Variants in OSBPL6 observed in about 807,000 individuals in gnomAD.
OSBPL6 encodes the protein oxysterol-binding protein-related protein 6.
In OSBPL6, 49 loss-of-function variants were observed where a neutral mutation model predicts 125.8. That is an observed-to-expected ratio of 0.39 (90% confidence interval 0.31 to 0.49). The LOEUF (loss-of-function observed/expected upper bound fraction) is 0.49. Ranked by LOEUF, OSBPL6 falls within the 20% of genes least tolerant of loss-of-function variation. The pLI, the probability that OSBPL6 is intolerant of heterozygous loss-of-function variation, is 0.88. For missense variants in OSBPL6, 986 were observed against 1,135.4 expected (o/e 0.87, Z 1.89); for synonymous variants, 394 against 391.8 (o/e 1.01, Z -0.07).
At chr2:178,336,580 A>G in intron 9 of OSBPL6, 147 bp downstream of exon 9, 3 of 890,774 alleles carry the variant, frequency 3.4e-6, no homozygotes, top group Non-Finnish European at 5.0e-6. Flanking sequence ...CCTTGTTCTT[A>G]TTTTTATGCA....
chr2:178,209,439 C>CTTTTTTTTTTTTTTTT (rs71850875), intron 1 of OSBPL6, among the ~76,000 whole-genome samples: 1 of 95,754 alleles, frequency 1.0e-5, no homozygotes, highest in African/African-American at 3.9e-5. Context: ...TTCTTTCTTT[C>CTTTTTTTTTTTTTTTT]TTTTTTTTTT....
intron 15 of OSBPL6, among the ~76,000 whole-genome samples, chr2:178,381,862 T>C (rs1192284860): frequency 6.6e-6 from 1 of 152,212 alleles, no homozygotes; most frequent in Non-Finnish European, 1.5e-5. Context: ...TTCTCTCCCC[T>C]CTGTCACAGC....
At chr2:178,274,632 A>G (rs1268471951) in intron 1 of OSBPL6, among the ~76,000 whole-genome samples, 3 of 152,166 alleles carry the variant, frequency 2.0e-5, no homozygotes, top group Non-Finnish European at 4.4e-5. Flanking sequence ...AAATCCAGGG[A>G]CACCAGTAAG....
Position 178,394,558 on chromosome 2 carries a change from T to G in OSBPL6, c.2696+123T>G, listed in dbSNP as rs542861097. The G allele has an allele frequency of 4.8e-6, 6 of 1,242,644 alleles. No homozygotes were observed. The East Asian group carries it at 1.2e-4, about 25-fold the overall frequency. 77.0% of individuals were successfully genotyped at this position (1,242,644 alleles called of 1,614,324 possible). ...ATTTTGGTATCTTTGCTTTTGGCAGTGAAAATATTGAATCGATTTTGCACT... is the reference window on the plus strand; with the variant it reads ...ATTTTGGTATCTTTGCTTTTGGCAGGGAAAATATTGAATCGATTTTGCACT... On this transcript the variant is annotated intron_variant, in intron 24 of 24. Transcript: ENST00000190611.
In OSBPL6 at chr2:178,387,118, C is replaced by T; in HGVS notation, c.2135C>T (p.Thr712Ile). The T allele has an allele frequency of 1.9e-6, 3 of 1,611,820 alleles. No individual in the cohort carries two copies. The highest frequency in any genetic ancestry group is 2.2e-5 in the South Asian group (2 of 90,932). ...GKSMEILPVG[T>I]LNVMLPKYGD... ...TCGATGGAAATCCTGCCTGTTGGAACACTGAATGTCATGCTTCCAAAGTAG... is the reference window on the plus strand; with the variant it reads ...TCGATGGAAATCCTGCCTGTTGGAATACTGAATGTCATGCTTCCAAAGTAG... Residue 712 changes from threonine to isoleucine, a missense_variant, in exon 20 of 25, where the codon ACA becomes ATA. By Grantham distance (89) the Thr-to-Ile change is moderately conservative. Coordinates refer to ENST00000190611, the MANE Select transcript of OSBPL6 (RefSeq NM_032523.4).
At chr2:178,338,873 T>C (rs1455146966) in intron 9 of OSBPL6, 118 bp from the exon 10 acceptor site, 3 of 646,980 alleles carry the variant, frequency 4.6e-6, no homozygotes, top group Non-Finnish European at 7.9e-6. Context: ...AGTATCTTCA[T>C]CATATAAACA....
At chr2:178,226,904 T>G (rs1277920925) in intron 1 of OSBPL6, among the ~76,000 whole-genome samples, 5 of 152,184 alleles carry the variant, frequency 3.3e-5, no homozygotes, top group African/African-American at 1.2e-4. Context: ...TTAAGAATAT[T>G]GTTAATCTAA....
rs1247497529 is a variant in OSBPL6, at chr2:178,383,097, C to T, written c.1695C>T (p.Asp565=). 1.2e-6 allele frequency: 2 copies of T among 1,614,196 alleles called. No individual in the cohort carries two copies. Among genetic ancestry groups the T allele is most frequent in the Non-Finnish European group, 1.7e-6 (2 of 1,180,038 alleles). ...RRACLPAPCP[D]TSNINLWNIL... ...CATGCCTGCCAGCTCCTTGTCCTGA[C>T]ACCAGTAACATTAACCTGTGGAATA... Residue 565 remains aspartate, a synonymous_variant, in exon 17 of 25, where the codon GAC becomes GAT. Coordinates refer to ENST00000190611, the MANE Select transcript of OSBPL6 (RefSeq NM_032523.4).
At chr2:178,367,594 A>G (rs1253298982) in intron 13 of OSBPL6, among the ~76,000 whole-genome samples, 1 of 152,186 alleles carries the variant, frequency 6.6e-6, no homozygotes, top group Non-Finnish European at 1.5e-5. Context: ...GCCAGGGTTG[A>G]TGAATGGTAG....
At chr2:178,221,997 TTC>T (rs1260430583) in intron 1 of OSBPL6, among the ~76,000 whole-genome samples, 1 of 152,132 alleles carries the variant, frequency 6.6e-6, no homozygotes, top group Non-Finnish European at 1.5e-5. Context: ...CTACCAACTT[TTC>T]TCTCTCTTTT....
intron 1 of OSBPL6, among the ~76,000 whole-genome samples, chr2:178,196,369 G>T (rs965866970): frequency 3.3e-5 from 5 of 152,174 alleles, no homozygotes; most frequent in South Asian, 2.1e-4. Flanking sequence ...CAGGCTTTTA[G>T]AAAGCCTAAA....
In OSBPL6 at chr2:178,237,193, CGT is replaced by C. The variant is rs369385086; in HGVS notation, c.-351+42522_-351+42523del. Among the ~76,000 whole-genome samples, 89 of 152,300 alleles carry C rather than the reference CGT, an allele frequency of 5.8e-4. 2 individuals carry two copies. The South Asian group carries it at 0.011, about 18-fold the overall frequency. ...AGTGAGGATTACTTAATAATCCTTT[CGT>C]GTCCTTCTAGTTGTTTCTACCTCCA... is the stretch of plus-strand genomic sequence containing the variant. On this transcript the variant is annotated intron_variant, in intron 1 of 24. Transcript: ENST00000190611.
At chr2:178,198,985 G>T (rs1215403837) in intron 1 of OSBPL6, among the ~76,000 whole-genome samples, 1 of 152,128 alleles carries the variant, frequency 6.6e-6, no homozygotes. Context: ...TTGGCCTTGG[G>T]TATATTGTTG....
At chr2:178,229,650 C>G (rs527545192) in intron 1 of OSBPL6, among the ~76,000 whole-genome samples, 1 of 152,054 alleles carries the variant, frequency 6.6e-6, no homozygotes, top group Admixed American at 6.6e-5. Flanking sequence ...GGCAACATGG[C>G]GAAAACTCAT....
rs187488731 is a variant in OSBPL6 at position 178,300,173 on chromosome 2, G to A, written c.-155-5857G>A. Among the ~76,000 whole-genome samples the A allele has an allele frequency of 1.8e-3, 278 of 152,328 alleles. 3 individuals are homozygous for A. Among genetic ancestry groups the A allele is most frequent in the African/African-American group, 6.4e-3 (267 of 41,574 alleles). On this transcript the variant is annotated intron_variant, in intron 2 of 24. Coordinates refer to ENST00000190611, the MANE Select transcript of OSBPL6 (RefSeq NM_032523.4). ...AAACCTTATCTTCACTTACAGAAAA[G>A]GAGTTGGCTTTTCTTACAATTTGTC...
intron 13 of OSBPL6, 22 bp from the exon 14 acceptor site, chr2:178,372,104 A>G (rs6433724): frequency 0.52 from 804,079 of 1,534,066 alleles, 216,480 homozygotes; most frequent in East Asian, 0.91. Flanking sequence ...TAAATTACAT[A>G]TGTGGTTTTT....
intron 1 of OSBPL6, 112 bp downstream of exon 1, chr2:178,194,786 G>A (rs954975334): frequency 1.0e-4 from 16 of 152,400 alleles, no homozygotes; most frequent in Admixed American, 9.8e-4. Flanking sequence ...GGGACGCGTG[G>A]GTGGGCAGCC....
intron 1 of OSBPL6, among the ~76,000 whole-genome samples, chr2:178,224,531 A>C (rs902668804): frequency 6.6e-6 from 1 of 152,224 alleles, no homozygotes; most frequent in Non-Finnish European, 1.5e-5. Context: ...TTGCAGCCTG[A>C]GTAAATCCTG....
intron 9 of OSBPL6, 96 bp downstream of exon 9, chr2:178,336,529 G>A: frequency 7.2e-7 from 1 of 1,386,010 alleles, no homozygotes; most frequent in Non-Finnish European, 9.9e-7. Context: ...CTTTTACCCT[G>A]ATTGCCTTGA....
Sources: gnomAD v4.1 joint callset for allele counts (sites outside exome capture counted in the v4.1 genomes callset) on GRCh38, gnomAD v4.1.1 for gene constraint, MANE v1.5 for transcripts, NCBI Gene and HGNC (gene_info 2026-07-23, HGNC 2026-07-21) for gene names.